The following LIPC variants were observed in gnomAD, a reference collection of about 807,000 sequenced individuals.
LIPC encodes the protein lipase C, hepatic type.
Under a neutral mutation model 50.7 loss-of-function variants are expected in LIPC, and 44 were observed. That is an observed-to-expected ratio of 0.87 (90% CI 0.68 to 1.11). The LOEUF is 1.11. LIPC is among the 50% of genes most tolerant of loss of function. The probability of loss-of-function intolerance (pLI) is 0.00; values close to 1 mark genes in which losing one functional copy is unlikely to be tolerated. For missense variants in LIPC, 697 were observed against 648.2 expected, an observed-to-expected ratio of 1.08 and a Z score of -0.82; for synonymous variants, 271 against 256.4, an observed-to-expected ratio of 1.06 and a Z score of -0.54.
chr15:58,563,275 G>A (rs549800827), intron 7 of LIPC, among the ~76,000 whole-genome samples: 7 of 152,254 alleles, frequency 4.6e-5, no homozygotes, highest in South Asian at 4.2e-4. Flanking sequence ...CCTTTTTGAT[G>A]TGTTAACCAG....
At chr15:58,557,029 G>A (rs1363570756) in intron 6 of LIPC, among the ~76,000 whole-genome samples, 2 of 152,148 alleles carry the variant, frequency 1.3e-5, no homozygotes, top group Non-Finnish European at 2.9e-5. Flanking sequence ...GGTGTTTTCA[G>A]TGTATTTTTA....
intron 5 of LIPC, among the ~76,000 whole-genome samples, chr15:58,547,667 T>A (rs1893583721): frequency 8.8e-6 from 1 of 114,270 alleles, no homozygotes; most frequent in Non-Finnish European, 2.0e-5. Context: ...CCTTAGTAGA[T>A]CAACCTCATA....
chr15:58,559,570 G>A lies in LIPC; in HGVS notation c.1052-1294G>A, dbSNP rs1301796594. Among the ~76,000 whole-genome samples, 5 of 152,062 alleles carry A rather than the reference G, an allele frequency of 3.3e-5. No individual in the cohort carries two copies. The East Asian group carries it at 9.6e-4, about 29-fold the overall frequency. ...GGAATTAACATGCCGTATTAAACCT[G>A]TTTGCAATCTTGGAGCTAGAACACT... On this transcript the variant is annotated intron_variant, in intron 6 of 8. Coordinates refer to ENST00000299022, the MANE Select transcript of LIPC (RefSeq NM_000236.3).
At chr15:58,554,947 G>A (rs868768501) in intron 6 of LIPC, among the ~76,000 whole-genome samples, 3 of 152,110 alleles carry the variant, frequency 2.0e-5, no homozygotes, top group South Asian at 2.1e-4. Context: ...CGCAGGTTCC[G>A]TCCCCAGCCC....
chr15:58,482,841 T>C (rs1891239886), intron 1 of LIPC, among the ~76,000 whole-genome samples: 1 of 152,190 alleles, frequency 6.6e-6, no homozygotes. Flanking sequence ...GGTTTAGACA[T>C]CAGGAAACCT....
intron 1 of LIPC, among the ~76,000 whole-genome samples, chr15:58,489,936 C>T (rs144679964): frequency 2.3e-4 from 35 of 152,260 alleles, no homozygotes; most frequent in African/African-American, 7.9e-4. Context: ...ATGGAGTCAA[C>T]TATGTCAGAT....
At chr15:58,556,214 T>G in intron 6 of LIPC, among the ~76,000 whole-genome samples, 1 of 152,212 alleles carries the variant, frequency 6.6e-6, no homozygotes. Context: ...CAGTTATATA[T>G]GCATGTTGTT....
chr15:58,469,089 T>C (rs1312999281), intron 1 of LIPC, among the ~76,000 whole-genome samples: 1 of 147,586 alleles, frequency 6.8e-6, no homozygotes, highest in Admixed American at 6.9e-5. Context: ...CTTAAACGGC[T>C]TCAGGGAACA....
At chr15:58,498,945 ATTG>A (rs1566930151) in intron 1 of LIPC, among the ~76,000 whole-genome samples, 1 of 152,214 alleles carries the variant, frequency 6.6e-6, no homozygotes, top group East Asian at 1.9e-4. Flanking sequence ...TCCACAGGGC[ATTG>A]TTGAGTAGCA....
chr15:58,469,536 G>A (rs555394644), intron 1 of LIPC, among the ~76,000 whole-genome samples: 1 of 152,302 alleles, frequency 6.6e-6, no homozygotes, highest in Admixed American at 6.5e-5. Context: ...CCCAAAAACA[G>A]GCCACCCTCA....
At chr15:58,465,060 G>A (rs181778310) in intron 1 of LIPC, among the ~76,000 whole-genome samples, 15 of 152,258 alleles carry the variant, frequency 9.9e-5, no homozygotes, top group African/African-American at 3.6e-4. Context: ...TAATACTATG[G>A]CTGGTTTGCA....
intron 1 of LIPC, among the ~76,000 whole-genome samples, chr15:58,533,905 A>T (rs921888563): frequency 2.6e-5 from 4 of 152,236 alleles, no homozygotes; most frequent in Non-Finnish European, 4.4e-5. Context: ...AAAATAAAAT[A>T]TGAAACAGTT....
chr15:58,534,733 A>C (rs1196143388), intron 1 of LIPC, among the ~76,000 whole-genome samples: 2 of 152,214 alleles, frequency 1.3e-5, no homozygotes, highest in African/African-American at 4.8e-5. Context: ...GGCCAAAAAG[A>C]AGCTCAGAAA....
At chr15:58,485,377 T>C (rs1420998878) in intron 1 of LIPC, among the ~76,000 whole-genome samples, 2 of 152,112 alleles carry the variant, frequency 1.3e-5, no homozygotes, top group Non-Finnish European at 2.9e-5. Context: ...ATTCTAGGTA[T>C]TCACAGGGTC....
rs1005986771 is a variant in LIPC, at chr15:58,520,726, T to G, written c.89-17607T>G. Among the ~76,000 whole-genome samples, 4 of 152,298 alleles carry G rather than the reference T, an allele frequency of 2.6e-5. No homozygotes were observed. The East Asian group carries it at 7.7e-4, about 29-fold the overall frequency. ...TCTAGAGATTAAATTCACAGTAGCT[T>G]CTTCTCTCGGGCCAGCAGGAAGCCT... On this transcript the variant is annotated intron_variant, in intron 1 of 8. Coordinates refer to ENST00000299022, the MANE Select transcript of LIPC (RefSeq NM_000236.3).
Position 58,563,495 on chromosome 15 carries a change from T to C in LIPC, c.1170-10T>C, listed in dbSNP as rs781519520. On this transcript the variant is annotated splice_polypyrimidine_tract_variant and intron_variant, in intron 7 of 8. Coordinates refer to ENST00000299022, the MANE Select transcript of LIPC (RefSeq NM_000236.3). ...AACTGATTGTGTCTGATTTTCTTTG[T>C]GTATTCAAGGGGCAAAGGAATTGCT... 2 of 1,607,820 alleles carry C rather than the reference T, an allele frequency of 1.2e-6. No homozygotes were observed. The highest frequency in any genetic ancestry group is 1.7e-5 in the Admixed American group (1 of 60,016).
chr15:58,524,456 A>G (rs1443444330), intron 1 of LIPC, among the ~76,000 whole-genome samples: 2 of 152,252 alleles, frequency 1.3e-5, no homozygotes, highest in Admixed American at 6.5e-5. Context: ...GTAGAGTCCC[A>G]TGCAGGAAAT....
At chr15:58,493,721 T>C (rs1379238889) in intron 1 of LIPC, among the ~76,000 whole-genome samples, 1 of 148,570 alleles carries the variant, frequency 6.7e-6, no homozygotes, top group East Asian at 1.9e-4. Flanking sequence ...TATATTTGTA[T>C]ATGTGAAATA....
At chr15:58,436,692 T>C (rs746940288) in intron 1 of LIPC, 23 of 456,014 alleles carry the variant, frequency 5.0e-5, no homozygotes, top group South Asian at 2.8e-4. Flanking sequence ...GAACAGAACA[T>C]GGCATGAGAT....
Sources: allele counts gnomAD v4.1 joint callset (sites outside exome capture counted in the v4.1 genomes callset), GRCh38; gene constraint gnomAD v4.1.1; transcripts MANE v1.5; gene names NCBI Gene and HGNC (gene_info 2026-07-23, HGNC 2026-07-21).